The following MYO7B variants were observed in gnomAD, a reference collection of about 807,000 sequenced individuals.
MYO7B encodes the protein unconventional myosin-VIIb.
Under a neutral mutation model 259.7 loss-of-function variants are expected in MYO7B, and 212 were observed. The observed-to-expected ratio is 0.82, with a 90% confidence interval of 0.73 to 0.91. The LOEUF (loss-of-function observed/expected upper bound fraction) is 0.91. Ranked by LOEUF, MYO7B falls within the 40% of genes least tolerant of loss-of-function variation. The pLI is 0.00. For missense variants in MYO7B, 2,732 were observed against 2,813.5 expected (o/e 0.97, Z 0.66); for synonymous variants, 1,197 against 1,166.4 (o/e 1.03, Z -0.54).
Position 127,584,372 on chromosome 2 carries a change from G to A in MYO7B, c.1554+40G>A, listed in dbSNP as rs1032450295. The A allele has an allele frequency of 6.3e-7, 1 of 1,591,542 alleles. No individual in the cohort carries two copies. Among genetic ancestry groups the A allele is most frequent in the Non-Finnish European group, 8.6e-7 (1 of 1,160,454 alleles). ...CTGCCGACCTTCTGGTGGAGGCCCT[G>A]CTATGGGTCTCCTCTTGGAGGCTGG... is the stretch of plus-strand genomic sequence containing the variant. On this transcript the variant is annotated intron_variant, in intron 13 of 47. Transcript: ENST00000409816. This position sits in a 1 kb window ranked among gnomAD's most constrained non-coding sequence, Gnocchi z 5.8.
At chr2:127,536,735 A>G (rs1573594334) in intron 1 of MYO7B, among the ~76,000 whole-genome samples, 3 of 152,276 alleles carry the variant, frequency 2.0e-5, no homozygotes, top group South Asian at 4.1e-4. Context: ...GCTCTAATTT[A>G]TCAGAACCCT....
chr2:127,587,558 TTC>T (rs1679350805), intron 14 of MYO7B, among the ~76,000 whole-genome samples: 1 of 144,008 alleles, frequency 6.9e-6, no homozygotes, highest in Non-Finnish European at 1.5e-5. Context: ...CTCCCCTTCT[TTC>T]TTTCTTTCTT....
intron 16 of MYO7B, among the ~76,000 whole-genome samples, chr2:127,591,649 G>A (rs1679565075): frequency 6.6e-6 from 1 of 152,180 alleles, no homozygotes; most frequent in South Asian, 2.1e-4. Flanking sequence ...CCAGCAGTTG[G>A]CGCTGTGACC....
rs992785021 is a variant in MYO7B at position 127,627,322 on chromosome 2, G to A, written c.4460+12G>A. ...CTGGCCACCAACAGGTGCGGGCCCTGAGGGAAGATCTCTTCTTACACACTG... is the reference window on the plus strand; with the variant it reads ...CTGGCCACCAACAGGTGCGGGCCCTAAGGGAAGATCTCTTCTTACACACTG... On this transcript the variant is annotated intron_variant, in intron 33 of 47. Coordinates refer to ENST00000409816, the MANE Select transcript of MYO7B (RefSeq NM_001393586.1). This position sits in a 1 kb window ranked among gnomAD's most constrained non-coding sequence, Gnocchi z 5.6. 2.5e-6 allele frequency: 4 copies of A among 1,612,584 alleles called. No individual in the cohort carries two copies. The highest frequency in any genetic ancestry group is 3.4e-6 in the Non-Finnish European group (4 of 1,179,656).
At position 127,627,267 on chromosome 2, in the gene MYO7B, C is replaced by CT; in HGVS notation, c.4418dup (p.Glu1474GlyfsTer29). The stretch of plus-strand genomic sequence containing the variant: ...CCTGGACCAGCAGGAGAAGATGCTG[C>CT]TGGAACTCTCTTTCCCAGAGGTCAT... On this transcript the variant is annotated frameshift_variant, in exon 33 of 48. Coordinates refer to ENST00000409816, the MANE Select transcript of MYO7B (RefSeq NM_001393586.1). LOFTEE classifies it high-confidence loss of function. The surrounding 1 kb of genome is among the most constrained non-coding windows in gnomAD (Gnocchi z 5.6). 6.2e-7 allele frequency: 1 copy of CT among 1,612,760 alleles called. No individual in the cohort carries two copies. Among genetic ancestry groups the CT allele is most frequent in the Non-Finnish European group, 8.5e-7 (1 of 1,179,634 alleles).
In MYO7B at chr2:127,621,586, T is replaced by C. The variant is rs563835503; in HGVS notation, c.3526-396T>C. ...CTGCACTTTTCATTTACTGTCTTCATTATGTTTTCTCATGGTGTCAACCTC... is the reference window on the plus strand; with the variant it reads ...CTGCACTTTTCATTTACTGTCTTCACTATGTTTTCTCATGGTGTCAACCTC... On this transcript the variant is annotated intron_variant, in intron 27 of 47. Transcript: ENST00000409816. Among the ~76,000 whole-genome samples the C allele has an allele frequency of 4.6e-5, 7 of 152,332 alleles. No individual in the cohort carries two copies. The South Asian group carries it at 1.2e-3, about 27-fold the overall frequency.
At chr2:127,562,219 C>G (rs767156801) in intron 2 of MYO7B, among the ~76,000 whole-genome samples, 1 of 152,198 alleles carries the variant, frequency 6.6e-6, no homozygotes, top group Non-Finnish European at 1.5e-5. Context: ...GGACACAATT[C>G]AGTCCATATA....
chr2:127,581,625 C>T (rs1679101410), intron 10 of MYO7B, among the ~76,000 whole-genome samples: 1 of 152,158 alleles, frequency 6.6e-6, no homozygotes, highest in Admixed American at 6.5e-5. Context: ...TCAGATCCCT[C>T]CCTCACCCTC....
chr2:127,616,815 T>C (rs1240289003), intron 26 of MYO7B, among the ~76,000 whole-genome samples: 1 of 152,148 alleles, frequency 6.6e-6, no homozygotes. Flanking sequence ...CCTTCTCATT[T>C]CCCGACAGGG....
chr2:127,607,496 G>A lies in MYO7B; in HGVS notation c.2643+72G>A. ...CCAGTGGGTGAGGGCAAGAAGGAGT[G>A]AGCGGCTGTGTAGAGAGCTCACCAG... On this transcript the variant is annotated intron_variant, in intron 21 of 47. Coordinates refer to ENST00000409816, the MANE Select transcript of MYO7B (RefSeq NM_001393586.1). The surrounding 1 kb of genome is among the most constrained non-coding windows in gnomAD (Gnocchi z 4.4). The A allele has an allele frequency of 1.5e-6, 2 of 1,363,754 alleles. No individual in the cohort carries two copies. Among genetic ancestry groups the A allele is most frequent in the Non-Finnish European group, 2.0e-6 (2 of 990,412 alleles). 84.5% of individuals were successfully genotyped at this position (1,363,754 alleles called of 1,614,324 possible). A position where few individuals can be genotyped will look rare whatever the true frequency, so the allele number is the denominator to read the frequency against.
At position 127,614,919 on chromosome 2, in the gene MYO7B, G is replaced by C. The variant is rs140890555; in HGVS notation, c.3398+2316G>C. On this transcript the variant is annotated intron_variant, in intron 26 of 47. Transcript: ENST00000409816. The surrounding 1 kb of genome is among the most constrained non-coding windows in gnomAD (Gnocchi z 4.6). ...ATTTGTCCTTGGCTGCAGGGCCTTG[G>C]TGAAATTCCCAGACAAAGCAGATGC... Among the ~76,000 whole-genome samples, 364 of 152,286 alleles carry C rather than the reference G, an allele frequency of 2.4e-3. No individual in the cohort carries two copies. Among genetic ancestry groups the C allele is most frequent in the African/African-American group, 8.0e-3 (333 of 41,562 alleles).
chr2:127,619,155 CGGTTGGGTTGTGGTGGCT>C (rs1680715228), intron 26 of MYO7B, among the ~76,000 whole-genome samples: 1 of 73,952 alleles, frequency 1.4e-5, no homozygotes, highest in South Asian at 4.9e-4. Flanking sequence ...TTGTGGGGGC[CGGTTGGGTTGTGGTGGCT>C]GGTTGGGTTG....
chr2:127,617,500 T>G (rs1488982095), intron 26 of MYO7B, among the ~76,000 whole-genome samples: 1 of 131,894 alleles, frequency 7.6e-6, no homozygotes, highest in Non-Finnish European at 1.6e-5. Context: ...TTTTTTTTTT[T>G]TTTTTTTTTT....
chr2:127,635,285 C>G (rs1311014237), intron 43 of MYO7B, 59 bp downstream of exon 43: 1 of 1,500,240 alleles, frequency 6.7e-7, no homozygotes, highest in Non-Finnish European at 9.1e-7. Context: ...CACACCTGTT[C>G]TGAGGCTGTA....
At chr2:127,610,593 T>G (rs1680345649) in intron 24 of MYO7B, among the ~76,000 whole-genome samples, 1 of 152,240 alleles carries the variant, frequency 6.6e-6, no homozygotes, top group Admixed American at 6.5e-5. Flanking sequence ...TCAGAAGTCC[T>G]TCCTAAGGTC....
At position 127,576,706 on chromosome 2, in the gene MYO7B, A is replaced by T; in HGVS notation, c.847A>T (p.Met283Leu). ...GCCCTCCGAGTACCACTACCTGACC[A>T]TGGTGAGCTGCCCACCTGCCGCCTC... ...GTPSEYHYLT[M>L]GNCTSCEGLN... The change falls in exon 8 of 48, where the codon ATG becomes TTG. Residue 283 changes from methionine (M) to leucine (L), a missense_variant and splice_region_variant. Met to Leu is a conservative substitution (Grantham distance 15, BLOSUM62 2). Around this residue, in one of 3 missense-constraint regions of MYO7B, gnomAD observed 1,906 missense variants for 2,026.4 expected, o/e 0.94. Transcript: ENST00000409816. The surrounding 1 kb of genome is among the most constrained non-coding windows in gnomAD (Gnocchi z 4.9). 1 of 1,590,560 alleles carries T rather than the reference A, an allele frequency of 6.3e-7. No homozygotes were observed. Among genetic ancestry groups the T allele is most frequent in the Non-Finnish European group, 8.6e-7 (1 of 1,160,752 alleles).
At chr2:127,619,010 C>T (rs1339451513) in intron 26 of MYO7B, among the ~76,000 whole-genome samples, 1 of 126,240 alleles carries the variant, frequency 7.9e-6, no homozygotes, top group Non-Finnish European at 1.6e-5. Context: ...ATTGTGGTGG[C>T]TGGTTGGGTT....
At chr2:127,623,125 G>A (rs1680919016) in intron 28 of MYO7B, 77 bp from the exon 29 acceptor site, 11 of 1,529,746 alleles carry the variant, frequency 7.2e-6, no homozygotes, top group Non-Finnish European at 5.3e-6. Flanking sequence ...GGGAGAGGAG[G>A]GAGGTAGTGG....
At position 127,542,005 on chromosome 2, in the gene MYO7B, T is replaced by C. The variant is rs561039621; in HGVS notation, c.-24+6174T>C. Reference sequence around the variant, plus strand: ...CTGTGCCCACTGGGAGAAGACAGGATGGAGGACTGTAACTTCTCATTCTTA... The same window carrying C: ...CTGTGCCCACTGGGAGAAGACAGGACGGAGGACTGTAACTTCTCATTCTTA... On this transcript the variant is annotated intron_variant, in intron 1 of 47. Transcript: ENST00000409816. Among the ~76,000 whole-genome samples the C allele has an allele frequency of 6.0e-4, 91 of 152,372 alleles. 1 individual carries two copies. In the South Asian group the frequency reaches 0.018, roughly 29 times the overall value.
Sources: allele counts gnomAD v4.1 joint callset (sites outside exome capture counted in the v4.1 genomes callset), GRCh38; gene constraint gnomAD v4.1.1; regional missense constraint gnomAD v4.1.1; non-coding constraint Gnocchi (gnomAD v3.1); transcripts MANE v1.5; gene names NCBI Gene and HGNC (gene_info 2026-07-23, HGNC 2026-07-21).